The following PRUNE2 variants were observed in gnomAD, a reference collection of about 807,000 sequenced individuals.
PRUNE2 encodes the protein protein prune homolog 2.
In PRUNE2, 164 loss-of-function variants were observed where a neutral mutation model predicts 252.0. That is an observed-to-expected ratio of 0.65 (90% confidence interval 0.57 to 0.74). The LOEUF is 0.74. PRUNE2 is among the 30% of genes least tolerant of loss of function. The pLI, the probability that PRUNE2 is intolerant of heterozygous loss-of-function variation, is 0.00. For synonymous variants in PRUNE2, 1,292 were observed against 1,350.2 expected (o/e 0.96, Z 0.94); for missense variants, 3,495 against 3,711.0 (o/e 0.94, Z 1.51).
At chr9:76,697,059 G>A (rs2045460734) in intron 9 of PRUNE2, among the ~76,000 whole-genome samples, 1 of 152,168 alleles carries the variant, frequency 6.6e-6, no homozygotes, top group Non-Finnish European at 1.5e-5. Context: ...CTGTGCCCCT[G>A]ATATGCGAAT....
At chr9:76,895,676 G>A (rs1052593521) in intron 1 of PRUNE2, among the ~76,000 whole-genome samples, 3 of 152,154 alleles carry the variant, frequency 2.0e-5, no homozygotes, top group East Asian at 1.9e-4. Flanking sequence ...TGTACTTTAT[G>A]TCAGTGATGT....
intron 9 of PRUNE2, among the ~76,000 whole-genome samples, chr9:76,657,453 T>C (rs1849674191): frequency 6.6e-6 from 1 of 152,232 alleles, no homozygotes. Flanking sequence ...AGCTTAAGTT[T>C]AATAGATTTT....
intron 6 of PRUNE2, among the ~76,000 whole-genome samples, chr9:76,806,145 T>C (rs2056917325): frequency 6.6e-6 from 1 of 152,152 alleles, no homozygotes; most frequent in Admixed American, 6.5e-5. Context: ...GAGAACTTAC[T>C]AGAAATATAA....
chr9:76,858,495 A>G (rs952997608), intron 1 of PRUNE2, among the ~76,000 whole-genome samples: 8 of 152,178 alleles, frequency 5.3e-5, no homozygotes, highest in African/African-American at 1.7e-4. Flanking sequence ...ATTCTCAGCA[A>G]ACTAATACAG....
At position 76,705,318 on chromosome 9, in the gene PRUNE2, A is replaced by G. The variant is rs543223050; in HGVS notation, c.6956T>C (p.Met2319Thr). 13 of 1,614,014 alleles carry G rather than the reference A, an allele frequency of 8.1e-6. No homozygotes were observed. Among genetic ancestry groups the G allele is most frequent in the South Asian group, 1.1e-5 (1 of 91,084 alleles). ...LNTSTGTIDD[M>T]SKLTLSEGHP... ...GCCTTCGGATAATGTCAGTTTACTC[A>G]TGTCATCTATTGTTCCCGTGGATGT... The change falls in exon 8 of 19, where the codon ATG becomes ACG. Residue 2319 changes from methionine (M) to threonine (T), a missense_variant. By Grantham distance (81) the Met-to-Thr change is moderately conservative. Transcript: ENST00000376718.
Position 76,826,690 on chromosome 9 carries a change from ATCT to A in PRUNE2, c.548_550del (p.Lys183del). The A allele has an allele frequency of 6.2e-7, 1 of 1,612,504 alleles. No homozygotes were observed. Among genetic ancestry groups the A allele is most frequent in the South Asian group, 1.1e-5 (1 of 90,692 alleles). Reference sequence around the variant, plus strand: ...AAGAATTTCCTCCTGCTTCTCTGAGATCTTCTCTGATTCCATGGTCATCCACTT... The same window carrying A: ...AAGAATTTCCTCCTGCTTCTCTGAGATCTCTGATTCCATGGTCATCCACTT... On this transcript the variant is annotated inframe_deletion, in exon 5 of 19. Transcript: ENST00000376718.
chr9:76,757,799 A>G (rs1017232418), intron 6 of PRUNE2, among the ~76,000 whole-genome samples: 1 of 152,260 alleles, frequency 6.6e-6, no homozygotes, highest in Admixed American at 6.5e-5. Context: ...TTAGCTGTAC[A>G]TGGTGGCATG....
rs201436847 is a variant in PRUNE2, at chr9:76,706,140, C to T, written c.6134G>A (p.Arg2045Gln). The change falls in exon 8 of 19, where the codon CGA becomes CAA. Residue 2045 changes from arginine (R) to glutamine (Q), a missense_variant. Coordinates refer to ENST00000376718, the MANE Select transcript of PRUNE2 (RefSeq NM_015225.3). ...TAAAATATCTGGCACAAAGGTACCT[C>T]GGGAGTCCTCACTTGGGGTAGAGCC... Reference protein sequence around the residue: ...WDGSTPSEDSRGTFVPDILHG... With the variant: ...WDGSTPSEDSQGTFVPDILHG... 1.1e-5 allele frequency: 17 copies of T among 1,613,954 alleles called. No homozygotes were observed. Among genetic ancestry groups the T allele is most frequent in the East Asian group, 6.7e-5 (3 of 44,870 alleles).
chr9:76,768,963 GAT>G (rs770962825), intron 6 of PRUNE2, among the ~76,000 whole-genome samples: 3 of 152,122 alleles, frequency 2.0e-5, no homozygotes, highest in Non-Finnish European at 4.4e-5. Context: ...GTCAAACAAA[GAT>G]ATATAACTCG....
At chr9:76,848,531 C>T (rs1036604386) in intron 3 of PRUNE2, among the ~76,000 whole-genome samples, 4 of 152,266 alleles carry the variant, frequency 2.6e-5, no homozygotes, top group Admixed American at 1.3e-4. Flanking sequence ...AATATGCTTC[C>T]TAAAAAGTTA....
At chr9:76,646,725 G>A (rs1051837481) in intron 11 of PRUNE2, among the ~76,000 whole-genome samples, 5 of 152,084 alleles carry the variant, frequency 3.3e-5, no homozygotes, top group Non-Finnish European at 1.5e-5. Flanking sequence ...GTATTCTGAT[G>A]CTCTTGTACA....
At chr9:76,619,767 C>G (rs538469039) in intron 17 of PRUNE2, among the ~76,000 whole-genome samples, 2 of 152,202 alleles carry the variant, frequency 1.3e-5, no homozygotes, top group African/African-American at 4.8e-5. Context: ...TTTATTCACC[C>G]ATGAACACAG....
intron 6 of PRUNE2, among the ~76,000 whole-genome samples, chr9:76,723,466 A>G (rs1337370637): frequency 1.3e-5 from 2 of 152,154 alleles, no homozygotes; most frequent in Non-Finnish European, 2.9e-5. Context: ...GCCAGAGGGG[A>G]GTAGAGAGGC....
At chr9:76,903,849 A>G (rs972938249) in intron 1 of PRUNE2, among the ~76,000 whole-genome samples, 1 of 152,156 alleles carries the variant, frequency 6.6e-6, no homozygotes, top group African/African-American at 2.4e-5. Flanking sequence ...CAGCCTCCCA[A>G]AGTGCTGGGA....
chr9:76,689,156 C>A (rs569713245), intron 9 of PRUNE2, among the ~76,000 whole-genome samples: 1 of 152,276 alleles, frequency 6.6e-6, no homozygotes, highest in African/African-American at 2.4e-5. Context: ...ACCTTAGTTA[C>A]CTTTGTATCA....
At chr9:76,767,860 T>A (rs1182936258) in intron 6 of PRUNE2, among the ~76,000 whole-genome samples, 1 of 152,230 alleles carries the variant, frequency 6.6e-6, no homozygotes, top group Non-Finnish European at 1.5e-5. Flanking sequence ...TACCCTTCCA[T>A]GCCCACTATG....
At chr9:76,681,167 G>A (rs892875032) in intron 9 of PRUNE2, among the ~76,000 whole-genome samples, 17 of 152,104 alleles carry the variant, frequency 1.1e-4, no homozygotes, top group Admixed American at 2.0e-4. Context: ...TCACATAAGC[G>A]AGTCACACAT....
At chr9:76,819,088 A>G (rs982788008) in intron 6 of PRUNE2, among the ~76,000 whole-genome samples, 5 of 152,106 alleles carry the variant, frequency 3.3e-5, no homozygotes, top group Admixed American at 1.3e-4. Flanking sequence ...CCATCTTTAC[A>G]AAAAATGCAA....
At chr9:76,811,948 G>A (rs892575242) in intron 6 of PRUNE2, among the ~76,000 whole-genome samples, 15 of 152,206 alleles carry the variant, frequency 9.9e-5, no homozygotes, top group Non-Finnish European at 2.1e-4. Flanking sequence ...TGTAGTTGCT[G>A]AAAAGGAGCA....
Sources: allele counts gnomAD v4.1 joint callset (sites outside exome capture counted in the v4.1 genomes callset), GRCh38; gene constraint gnomAD v4.1.1; transcripts MANE v1.5; gene names NCBI Gene and HGNC (gene_info 2026-07-23, HGNC 2026-07-21).